The following CSMD1 variants were observed in gnomAD, a reference collection of about 807,000 sequenced individuals.
CSMD1 encodes CUB and Sushi multiple domains 1, also known as CUB and sushi domain-containing protein 1.
In CSMD1, 213 loss-of-function variants were observed where a neutral mutation model predicts 417.5. The observed-to-expected ratio is 0.51, with a 90% confidence interval of 0.46 to 0.57. The LOEUF (loss-of-function observed/expected upper bound fraction) is 0.57, where lower values mean the gene tolerates loss of function less well. Ranked by LOEUF, CSMD1 falls within the 20% of genes least tolerant of loss-of-function variation. The pLI is 0.00. For missense variants in CSMD1, 6,923 were observed against 4,529.7 expected, an observed-to-expected ratio of 1.53 and a Z score of -15.17; for synonymous variants, 2,862 against 1,736.8, an observed-to-expected ratio of 1.65 and a Z score of -16.11.
intron 3 of CSMD1, among the ~76,000 whole-genome samples, chr8:4,110,900 C>T (rs1801817254): frequency 1.3e-5 from 2 of 152,008 alleles, no homozygotes; most frequent in African/African-American, 2.4e-5. Context: ...TGTCAAAAGA[C>T]ATAAAGTGAG....
chr8:4,102,548 G>C (rs1801359344), intron 3 of CSMD1, among the ~76,000 whole-genome samples: 1 of 151,730 alleles, frequency 6.6e-6, no homozygotes, highest in South Asian at 2.1e-4. Flanking sequence ...TGAAATGTCA[G>C]CTTATCACAG....
At position 4,221,108 on chromosome 8, in the gene CSMD1, A is replaced by G. The variant is rs1331421103; in HGVS notation, c.416-189009T>C. Among the ~76,000 whole-genome samples the G allele has an allele frequency of 2.6e-5, 4 of 152,280 alleles. 1 individual carries two copies. In the East Asian group the frequency reaches 7.7e-4, roughly 29 times the overall value. ...CTTCATTTAAACAAGAGAGGAATAC[A>G]ACGGACAAGACAGAGAATAGAAATG... is the stretch of plus-strand genomic sequence containing the variant. On this transcript the variant is annotated intron_variant, in intron 3 of 69. Transcript: ENST00000635120.
At chr8:4,236,766 A>T (rs1802090740) in intron 3 of CSMD1, among the ~76,000 whole-genome samples, 1 of 152,176 alleles carries the variant, frequency 6.6e-6, no homozygotes, top group African/African-American at 2.4e-5. Context: ...ATCTCAATAC[A>T]TTTTACAAGG....
At chr8:4,239,129 A>T (rs904186745) in intron 3 of CSMD1, among the ~76,000 whole-genome samples, 2 of 152,176 alleles carry the variant, frequency 1.3e-5, no homozygotes, top group Non-Finnish European at 2.9e-5. Flanking sequence ...GGTTAAAACA[A>T]TTTACTCCCC....
intron 3 of CSMD1, among the ~76,000 whole-genome samples, chr8:4,412,588 C>T (rs938411943): frequency 2.6e-5 from 4 of 151,736 alleles, no homozygotes; most frequent in African/African-American, 7.3e-5. Context: ...AATACAGCCT[C>T]ACAAGTGGAA....
At chr8:3,309,997 C>A (rs62504435) in intron 23 of CSMD1, among the ~76,000 whole-genome samples, 2 of 152,104 alleles carry the variant, frequency 1.3e-5, no homozygotes, top group African/African-American at 2.4e-5. Flanking sequence ...TAACCCTGAT[C>A]TATTTAAGAG....
chr8:3,542,011 C>CA (rs571830898), intron 10 of CSMD1, among the ~76,000 whole-genome samples: 4,212 of 151,438 alleles, frequency 0.028, 153 homozygotes, highest in African/African-American at 0.082. Context: ...GACTCCATTT[C>CA]GAAAAAAAGG....
intron 1 of CSMD1, among the ~76,000 whole-genome samples, chr8:4,972,493 G>T (rs1025669608): frequency 1.3e-5 from 2 of 152,064 alleles, no homozygotes; most frequent in Non-Finnish European, 2.9e-5. Context: ...TGTGAAGAAG[G>T]TGCCTGACTT....
intron 5 of CSMD1, among the ~76,000 whole-genome samples, chr8:3,909,890 G>C (rs1012535723): frequency 1.3e-5 from 2 of 152,172 alleles, no homozygotes; most frequent in Non-Finnish European, 2.9e-5. Context: ...ATCGTTAAAA[G>C]ACTAAGCCCT....
intron 17 of CSMD1, among the ~76,000 whole-genome samples, chr8:3,390,354 CAAAAAAAAAAAAAAA>C (rs35292914): frequency 1.6e-5 from 1 of 64,248 alleles, no homozygotes; most frequent in East Asian, 6.1e-4. Flanking sequence ...GACTCTGTCT[CAAAAAAAAAAAAAAA>C]AAAAAAAAAA....
At chr8:3,291,662 C>A (rs944783922) in intron 25 of CSMD1, among the ~76,000 whole-genome samples, 9 of 152,048 alleles carry the variant, frequency 5.9e-5, no homozygotes, top group East Asian at 1.9e-4. Context: ...TCTGTGGGAT[C>A]GGTGGTGATA....
In CSMD1 at chr8:4,500,137, G is replaced by C. The variant is rs1585170577; in HGVS notation, c.303-80072C>G. Among the ~76,000 whole-genome samples the C allele has an allele frequency of 2.6e-5, 4 of 152,112 alleles. No homozygotes were observed. The East Asian group carries it at 7.7e-4, about 29-fold the overall frequency. ...GGGAGAATACAATGTCTCTGAAGAGGAGAAGTTATACGAGGTGAAAAGTAT... is the reference window on the plus strand; with the variant it reads ...GGGAGAATACAATGTCTCTGAAGAGCAGAAGTTATACGAGGTGAAAAGTAT... On this transcript the variant is annotated intron_variant, in intron 2 of 69. Transcript: ENST00000635120.
chr8:3,887,732 T>C (rs1806661475), intron 5 of CSMD1, among the ~76,000 whole-genome samples: 1 of 152,182 alleles, frequency 6.6e-6, no homozygotes, highest in Non-Finnish European at 1.5e-5. Flanking sequence ...GATCTGTGGA[T>C]AGAAAAAACT....
At chr8:3,963,266 G>A (rs1002663037) in intron 5 of CSMD1, among the ~76,000 whole-genome samples, 2 of 152,082 alleles carry the variant, frequency 1.3e-5, no homozygotes, top group African/African-American at 2.4e-5. Context: ...TAATAATTAC[G>A]AGTTTGAGGA....
intron 25 of CSMD1, among the ~76,000 whole-genome samples, chr8:3,301,245 G>A (rs4626625): frequency 2.0e-5 from 3 of 151,966 alleles, no homozygotes; most frequent in African/African-American, 7.3e-5. Flanking sequence ...GCAAGGCAGC[G>A]TTTGCAGGGT....
chr8:4,089,611 A>G (rs1300890974), intron 3 of CSMD1, among the ~76,000 whole-genome samples: 5 of 152,226 alleles, frequency 3.3e-5, no homozygotes, highest in Non-Finnish European at 5.9e-5. Flanking sequence ...TGGGGATAAT[A>G]AAATTATGTG....
chr8:4,455,199 T>G (rs1799394318), intron 2 of CSMD1, among the ~76,000 whole-genome samples: 1 of 149,316 alleles, frequency 6.7e-6, no homozygotes, highest in Non-Finnish European at 1.5e-5. Context: ...AAGCTATGAC[T>G]CTCTTTATCT....
At chr8:4,573,049 T>C (rs2693796) in intron 2 of CSMD1, among the ~76,000 whole-genome samples, 97,317 of 151,886 alleles carry the variant, frequency 0.64, 31,344 homozygotes, top group East Asian at 0.68. Flanking sequence ...ATCTTCCTTG[T>C]ATTGGGTTAG....
At chr8:4,477,995 A>G (rs1282946464) in intron 2 of CSMD1, among the ~76,000 whole-genome samples, 3 of 152,208 alleles carry the variant, frequency 2.0e-5, no homozygotes, top group South Asian at 2.1e-4. Context: ...GAAAACTGTT[A>G]AGTACCGGGA....
Sources: gnomAD v4.1 joint callset for allele counts (sites outside exome capture counted in the v4.1 genomes callset) on GRCh38, gnomAD v4.1.1 for gene constraint, MANE v1.5 for transcripts, NCBI Gene and HGNC (gene_info 2026-07-23, HGNC 2026-07-21) for gene names.